The following RIT2 variants were observed in gnomAD, a reference collection of about 807,000 sequenced individuals.
RIT2 encodes the protein Ras like without CAAX 2, also known as GTP-binding protein Rit2.
RIT2 carries 24 observed loss-of-function variants against 23.7 expected under a neutral mutation model. That is an observed-to-expected ratio of 1.01 (90% CI 0.73 to 1.43). The LOEUF (loss-of-function observed/expected upper bound fraction) is 1.43, where lower values mean the gene tolerates loss of function less well. Among genes scored for constraint, RIT2 ranks in the 40% most tolerant of loss-of-function variants. The pLI, the probability that RIT2 is intolerant of heterozygous loss-of-function variation, is 0.00. For missense variants in RIT2, 236 were observed against 266.9 expected, an observed-to-expected ratio of 0.88 and a Z score of 0.81; for synonymous variants, 107 against 91.1, an observed-to-expected ratio of 1.17 and a Z score of -0.99.
chr18:42,957,644 C>T (rs763659141), intron 3 of RIT2, among the ~76,000 whole-genome samples: 1 of 152,050 alleles, frequency 6.6e-6, no homozygotes, highest in Non-Finnish European at 1.5e-5. Flanking sequence ...ATTAGCCAGG[C>T]ATGGTGGCAT....
At chr18:42,970,784 C>T (rs567886256) in intron 3 of RIT2, among the ~76,000 whole-genome samples, 1 of 151,954 alleles carries the variant, frequency 6.6e-6, no homozygotes, top group South Asian at 2.1e-4. Context: ...TTAATCAAAC[C>T]TGAGCATAAA....
At chr18:42,930,425 C>T (rs1039758572) in intron 3 of RIT2, among the ~76,000 whole-genome samples, 1 of 151,998 alleles carries the variant, frequency 6.6e-6, no homozygotes, top group African/African-American at 2.4e-5. Flanking sequence ...AAAAACGTAT[C>T]TCACATTAGA....
intron 3 of RIT2, among the ~76,000 whole-genome samples, chr18:42,970,192 G>T (rs1038677259): frequency 1.3e-5 from 2 of 151,738 alleles, no homozygotes; most frequent in African/African-American, 4.8e-5. Context: ...TTTTTTTCAG[G>T]AGATAGATCT....
At chr18:42,994,245 G>T (rs890553915) in intron 2 of RIT2, among the ~76,000 whole-genome samples, 5 of 152,092 alleles carry the variant, frequency 3.3e-5, no homozygotes, top group East Asian at 1.9e-4. Flanking sequence ...CTGCCACAAG[G>T]CTTCACGGAC....
chr18:43,113,853 G>A (rs1914007454), intron 1 of RIT2, among the ~76,000 whole-genome samples: 1 of 151,974 alleles, frequency 6.6e-6, no homozygotes, highest in Non-Finnish European at 1.5e-5. Flanking sequence ...AGCTGCTGGT[G>A]GCATTTAATG....
intron 1 of RIT2, among the ~76,000 whole-genome samples, chr18:43,097,317 T>C (rs1170475393): frequency 1.3e-5 from 2 of 151,784 alleles, no homozygotes; most frequent in African/African-American, 4.8e-5. Context: ...ACTTAACTTA[T>C]AGAGTTTATA....
At chr18:43,059,076 T>C (rs80207831) in intron 1 of RIT2, among the ~76,000 whole-genome samples, 5,262 of 152,098 alleles carry the variant, frequency 0.035, 125 homozygotes, top group Middle Eastern at 0.065. Flanking sequence ...TGTATGGAAA[T>C]GAAATATGTA....
At chr18:42,876,092 T>C (rs1907736678) in intron 4 of RIT2, among the ~76,000 whole-genome samples, 1 of 152,014 alleles carries the variant, frequency 6.6e-6, no homozygotes, top group Non-Finnish European at 1.5e-5. Context: ...ATTCAGTTAG[T>C]CACTGAACTT....
intron 1 of RIT2, among the ~76,000 whole-genome samples, chr18:43,063,073 C>T (rs1193043437): frequency 1.3e-5 from 2 of 152,008 alleles, no homozygotes; most frequent in Non-Finnish European, 2.9e-5. Context: ...AAGTTCACAA[C>T]AGAACAGATT....
intron 2 of RIT2, among the ~76,000 whole-genome samples, chr18:42,991,881 G>A (rs772379345): frequency 1.3e-5 from 2 of 151,820 alleles, no homozygotes; most frequent in Admixed American, 1.3e-4. Flanking sequence ...GACTCAGCCC[G>A]CCTGCGGCCA....
intron 4 of RIT2, among the ~76,000 whole-genome samples, chr18:42,894,073 C>T (rs1176179239): frequency 3.3e-5 from 5 of 152,180 alleles, no homozygotes; most frequent in Non-Finnish European, 5.9e-5. Flanking sequence ...ACGCTGATGG[C>T]GCTCAGCAGA....
chr18:42,786,838 C>T (rs1913933365), intron 4 of RIT2, among the ~76,000 whole-genome samples: 1 of 152,006 alleles, frequency 6.6e-6, no homozygotes. Flanking sequence ...CTTTTTGCTC[C>T]CGAGAACTTC....
At chr18:42,941,457 T>C (rs1201425420) in intron 3 of RIT2, among the ~76,000 whole-genome samples, 1 of 152,112 alleles carries the variant, frequency 6.6e-6, no homozygotes, top group African/African-American at 2.4e-5. Context: ...AAAGTTTCAC[T>C]GTTTGCCGCC....
chr18:43,026,634 A>AAGAAAGAAAGAAAGAAAGAG (rs1555652917), intron 2 of RIT2, among the ~76,000 whole-genome samples: 1 of 100,276 alleles, frequency 1.0e-5, no homozygotes, highest in African/African-American at 3.3e-5. Flanking sequence ...GAAAGAAAGA[A>AAGAAAGAAAGAAAGAAAGAG]AGAGAGAAAG....
At chr18:42,844,606 C>T (rs1037877082) in intron 4 of RIT2, among the ~76,000 whole-genome samples, 1 of 151,966 alleles carries the variant, frequency 6.6e-6, no homozygotes, top group Non-Finnish European at 1.5e-5. Flanking sequence ...AAACAAGCTG[C>T]CTCTCTCTCC....
At chr18:42,913,370 G>A in intron 4 of RIT2, among the ~76,000 whole-genome samples, 1 of 151,524 alleles carries the variant, frequency 6.6e-6, no homozygotes, top group Non-Finnish European at 1.5e-5. Context: ...TCATAAGAGG[G>A]AAAAAATCAA....
chr18:42,891,776 T>C (rs1220964295), intron 4 of RIT2, among the ~76,000 whole-genome samples: 1 of 152,044 alleles, frequency 6.6e-6, no homozygotes, highest in Non-Finnish European at 1.5e-5. Flanking sequence ...ACAGGTGAAT[T>C]TAAGCAGTGA....
intron 3 of RIT2, among the ~76,000 whole-genome samples, chr18:42,958,286 T>C (rs544916684): frequency 6.6e-6 from 1 of 152,338 alleles, no homozygotes; most frequent in African/African-American, 2.4e-5. Context: ...CTGTATAAAA[T>C]GTAGGGTCTT....
At chr18:43,049,323 G>C (rs976590358) in intron 1 of RIT2, among the ~76,000 whole-genome samples, 16 of 152,158 alleles carry the variant, frequency 1.1e-4, no homozygotes, top group Middle Eastern at 3.2e-3. Flanking sequence ...TTCAAATGCT[G>C]CTTCATTAAA....
Sources: gnomAD v4.1 joint callset for allele counts (sites outside exome capture counted in the v4.1 genomes callset) on GRCh38, gnomAD v4.1.1 for gene constraint, MANE v1.5 for transcripts, NCBI Gene and HGNC (gene_info 2026-07-23, HGNC 2026-07-21) for gene names.